The following HPCAL1 variants were observed in gnomAD, a reference collection of about 807,000 sequenced individuals.
HPCAL1 encodes the protein hippocalcin-like protein 1.
A neutral mutation model predicts 17.1 loss-of-function variants in HPCAL1; 8 were observed. The ratio of observed to expected loss-of-function variants is 0.47; its 90% CI spans 0.27 to 0.84. The LOEUF is 0.84. HPCAL1 is among the 40% of genes least tolerant of loss of function. The pLI is 0.13. For synonymous variants in HPCAL1, 112 were observed against 111.4 expected (o/e 1.01, Z -0.03); for missense variants, 165 against 271.1 (o/e 0.61, Z 2.75).
At chr2:10,317,559 C>T (rs55749423) in intron 1 of HPCAL1, among the ~76,000 whole-genome samples, 91,246 of 151,794 alleles carry the variant, frequency 0.6, 27,850 homozygotes, top group East Asian at 0.81. Context: ...CTGGGAGTAC[C>T]GGGATGCACC....
chr2:10,315,780 G>C (rs1663276659), intron 1 of HPCAL1, among the ~76,000 whole-genome samples: 3 of 152,216 alleles, frequency 2.0e-5, no homozygotes, highest in African/African-American at 7.2e-5. Flanking sequence ...GCTGAGGCAG[G>C]CGGATCACTT....
intron 1 of HPCAL1, among the ~76,000 whole-genome samples, chr2:10,396,190 C>T (rs540467883): frequency 5.3e-5 from 8 of 152,336 alleles, no homozygotes; most frequent in South Asian, 2.1e-4. Flanking sequence ...TCAGGTGATG[C>T]GTCCTGACCT....
rs1326535562 is a variant in HPCAL1, at chr2:10,363,475, C to T, written c.-110-33360C>T. Among the ~76,000 whole-genome samples, 2 of 152,188 alleles carry T rather than the reference C, an allele frequency of 1.3e-5. No homozygotes were observed. Among genetic ancestry groups the T allele is most frequent in the African/African-American group, 4.8e-5 (2 of 41,440 alleles). On this transcript the variant is annotated intron_variant, in intron 1 of 4. Coordinates refer to ENST00000307845, the MANE Select transcript of HPCAL1 (RefSeq NM_002149.4). The surrounding 1 kb of genome is among the most constrained non-coding windows in gnomAD (Gnocchi z 4.7). Reference sequence around the variant, plus strand: ...GTAGGAGCTTCCAGAAGCGACCTTTCGGGATGCCTCTTACATAGTCCTGCC... The same window carrying T: ...GTAGGAGCTTCCAGAAGCGACCTTTTGGGATGCCTCTTACATAGTCCTGCC...
chr2:10,409,775 GTCT>G (rs1242479989), intron 2 of HPCAL1, among the ~76,000 whole-genome samples: 31 of 98,504 alleles, frequency 3.1e-4, no homozygotes, highest in African/African-American at 8.9e-4. Context: ...CTGAGCCTCA[GTCT>G]TTTTTTTTTT....
intron 1 of HPCAL1, among the ~76,000 whole-genome samples, chr2:10,320,072 G>A (rs545590485): frequency 6.6e-6 from 1 of 152,140 alleles, no homozygotes; most frequent in Admixed American, 6.5e-5. Context: ...GTCTTGCTTG[G>A]GGTTGCCTCC....
In HPCAL1 at chr2:10,342,767, G is replaced by A. The variant is rs1665177761; in HGVS notation, c.-111+39590G>A. Reference sequence around the variant, plus strand: ...AGAGAGGCACAATCTGTTCCCGGTTGGGCCAGCTGCCCTCCAGTAGCTACG... The same window carrying A: ...AGAGAGGCACAATCTGTTCCCGGTTAGGCCAGCTGCCCTCCAGTAGCTACG... On this transcript the variant is annotated intron_variant, in intron 1 of 4. Coordinates refer to ENST00000307845, the MANE Select transcript of HPCAL1 (RefSeq NM_002149.4). The surrounding 1 kb of genome is among the most constrained non-coding windows in gnomAD (Gnocchi z 4.1). Among the ~76,000 whole-genome samples the A allele has an allele frequency of 6.6e-6, 1 of 152,226 alleles. No individual in the cohort carries two copies. Among genetic ancestry groups the A allele is most frequent in the Non-Finnish European group, 1.5e-5 (1 of 68,040 alleles).
chr2:10,413,155 G>T (rs536518940), intron 2 of HPCAL1, among the ~76,000 whole-genome samples: 42 of 152,214 alleles, frequency 2.8e-4, no homozygotes, highest in African/African-American at 9.4e-4. Flanking sequence ...GTCTGTGCTG[G>T]GCCTGGAGGC....
chr2:10,388,218 G>A (rs558052849), intron 1 of HPCAL1, among the ~76,000 whole-genome samples: 8 of 152,294 alleles, frequency 5.3e-5, no homozygotes, highest in South Asian at 4.2e-4. Flanking sequence ...CTGCCTCCCC[G>A]GGGCCGTCGG....
intron 2 of HPCAL1, among the ~76,000 whole-genome samples, chr2:10,409,259 C>CG (rs1053655023): frequency 2.0e-5 from 3 of 152,106 alleles, no homozygotes; most frequent in African/African-American, 4.8e-5. Flanking sequence ...CTGAGAGGGG[C>CG]GGGGTCTCAG....
chr2:10,370,773 G>A (rs530039662), intron 1 of HPCAL1, among the ~76,000 whole-genome samples: 73 of 152,352 alleles, frequency 4.8e-4, no homozygotes, highest in African/African-American at 1.7e-3. Context: ...GCTCCTGGGG[G>A]TCTTGGGGGC....
chr2:10,347,870 A>G (rs562213441), intron 1 of HPCAL1, among the ~76,000 whole-genome samples: 3 of 152,326 alleles, frequency 2.0e-5, no homozygotes, highest in East Asian at 1.9e-4. Context: ...TGTCTCAAAC[A>G]TAAGAAAATG....
At chr2:10,364,022 G>A (rs1666684226) in intron 1 of HPCAL1, among the ~76,000 whole-genome samples, 1 of 152,358 alleles carries the variant, frequency 6.6e-6, no homozygotes, top group African/African-American at 2.4e-5. Flanking sequence ...AGCTTGGTGG[G>A]GCAGGCCACC....
rs1572804755 is a variant in HPCAL1, at chr2:10,395,862, G to A, written c.-110-973G>A. Reference sequence around the variant, plus strand: ...TGCTGTGTGGATTACGTTGGATAATGAGTACAAATGCATAGACAGCCTTTA... The same window carrying A: ...TGCTGTGTGGATTACGTTGGATAATAAGTACAAATGCATAGACAGCCTTTA... On this transcript the variant is annotated intron_variant, in intron 1 of 4. Coordinates refer to ENST00000307845, the MANE Select transcript of HPCAL1 (RefSeq NM_002149.4). This position sits in a 1 kb window ranked among gnomAD's most constrained non-coding sequence, Gnocchi z 4.4. Among the ~76,000 whole-genome samples the A allele has an allele frequency of 6.6e-6, 1 of 152,156 alleles. No homozygotes were observed. Among genetic ancestry groups the A allele is most frequent in the African/African-American group, 2.4e-5 (1 of 41,428 alleles).
intron 2 of HPCAL1, among the ~76,000 whole-genome samples, chr2:10,413,411 C>G (rs1182997202): frequency 6.6e-6 from 1 of 152,272 alleles, no homozygotes; most frequent in Non-Finnish European, 1.5e-5. Flanking sequence ...TACACAGCAA[C>G]TGCAACCACA....
intron 1 of HPCAL1, among the ~76,000 whole-genome samples, chr2:10,371,197 G>T (rs56725436): frequency 0.076 from 11,522 of 152,240 alleles, 532 homozygotes; most frequent in Middle Eastern, 0.16. Context: ...TTTGCAGTTT[G>T]GGTTAGTGGG....
At chr2:10,319,072 G>A (rs1290393829) in intron 1 of HPCAL1, among the ~76,000 whole-genome samples, 1 of 152,214 alleles carries the variant, frequency 6.6e-6, no homozygotes, top group African/African-American at 2.4e-5. Flanking sequence ...ATCAATGTAA[G>A]GACCATCATC....
chr2:10,368,265 T>C (rs1312951564), intron 1 of HPCAL1, among the ~76,000 whole-genome samples: 2 of 151,876 alleles, frequency 1.3e-5, no homozygotes, highest in Non-Finnish European at 2.9e-5. Context: ...TGTAGGTTTG[T>C]GCATGTGTGT....
At chr2:10,372,781 T>C (rs1263293439) in intron 1 of HPCAL1, among the ~76,000 whole-genome samples, 2 of 152,210 alleles carry the variant, frequency 1.3e-5, no homozygotes, top group African/African-American at 4.8e-5. Flanking sequence ...TCCTGTTCCC[T>C]GCCCCAAGGA....
intron 1 of HPCAL1, among the ~76,000 whole-genome samples, chr2:10,315,804 C>G (rs1386064577): frequency 6.6e-6 from 1 of 152,086 alleles, no homozygotes; most frequent in Non-Finnish European, 1.5e-5. Context: ...GTCAGGAGGT[C>G]GAGACCAGCC....
Sources: gnomAD v4.1 joint callset for allele counts (sites outside exome capture counted in the v4.1 genomes callset) on GRCh38, gnomAD v4.1.1 for gene constraint, Gnocchi (gnomAD v3.1) non-coding constraint, MANE v1.5 for transcripts, NCBI Gene and HGNC (gene_info 2026-07-23, HGNC 2026-07-21) for gene names.